The following PRKCE variants were observed in gnomAD, a reference collection of about 807,000 sequenced individuals.
The protein encoded by PRKCE is protein kinase C epsilon.
In PRKCE, 16 loss-of-function variants were observed where a neutral mutation model predicts 85.4. The ratio of observed to expected loss-of-function variants is 0.19; its 90% CI spans 0.13 to 0.28. The LOEUF (loss-of-function observed/expected upper bound fraction) is 0.28. PRKCE is among the 10% of genes least tolerant of loss of function. The pLI is 1.00. For synonymous variants in PRKCE, 388 were observed against 371.5 expected, an observed-to-expected ratio of 1.04 and a Z score of -0.51; for missense variants, 573 against 975.2, an observed-to-expected ratio of 0.59 and a Z score of 5.49.
intron 1 of PRKCE, among the ~76,000 whole-genome samples, chr2:45,680,312 T>C (rs1476330761): frequency 6.6e-6 from 1 of 152,252 alleles, no homozygotes. Context: ...AGTTTGTTAG[T>C]GCTGATTGGA....
At position 45,651,914 on chromosome 2, in the gene PRKCE, A is replaced by C; in HGVS notation, c.-187A>C. On this transcript the variant is annotated 5_prime_UTR_variant, in exon 1 of 15. Transcript: ENST00000306156. ...CCTGTTTTCCGTTAGGAACCCGGCG[A>C]GGAAATACATGCACTGGCTGAGAAT... 3 of 483,466 alleles carry C rather than the reference A, an allele frequency of 6.2e-6. No individual in the cohort carries two copies. The highest frequency in any genetic ancestry group is 3.9e-5 in the South Asian group (1 of 25,568). 29.9% of individuals were successfully genotyped at this position (483,466 alleles called of 1,614,324 possible). A position where few individuals can be genotyped will look rare whatever the true frequency, so the allele number is the denominator to read the frequency against.
chr2:46,077,789 A>T (rs1668690059), intron 10 of PRKCE, among the ~76,000 whole-genome samples: 1 of 152,220 alleles, frequency 6.6e-6, no homozygotes, highest in African/African-American at 2.4e-5. Flanking sequence ...AAGAAAAAAA[A>T]ATCCTTCTTT....
At chr2:45,818,432 A>C (rs1046050526) in intron 1 of PRKCE, among the ~76,000 whole-genome samples, 1 of 152,202 alleles carries the variant, frequency 6.6e-6, no homozygotes, top group African/African-American at 2.4e-5. Context: ...TAGCAAAGGA[A>C]GAATAAACTA....
intron 2 of PRKCE, among the ~76,000 whole-genome samples, chr2:45,880,227 G>A (rs987443120): frequency 4.6e-5 from 7 of 152,166 alleles, no homozygotes; most frequent in East Asian, 1.9e-4. Context: ...AGAGTGTTCC[G>A]TTATGTGTAT....
intron 1 of PRKCE, among the ~76,000 whole-genome samples, chr2:45,655,032 A>G (rs1675312903): frequency 1.3e-5 from 2 of 152,216 alleles, no homozygotes; most frequent in South Asian, 4.1e-4. Flanking sequence ...GGGGATGTGG[A>G]TAGCATAAAG....
chr2:45,673,735 T>C (rs577691803), intron 1 of PRKCE, among the ~76,000 whole-genome samples: 2 of 152,258 alleles, frequency 1.3e-5, no homozygotes, highest in Non-Finnish European at 2.9e-5. Context: ...GTTTGTAGAG[T>C]ATATGAAAAT....
chr2:46,134,300 CAT>C (rs1476193429), intron 11 of PRKCE, among the ~76,000 whole-genome samples: 2 of 152,148 alleles, frequency 1.3e-5, no homozygotes, highest in Admixed American at 6.5e-5. Context: ...GATAGACACT[CAT>C]AGTGGAACAG....
chr2:45,747,790 A>G (rs534038414), intron 1 of PRKCE, among the ~76,000 whole-genome samples: 2 of 152,200 alleles, frequency 1.3e-5, no homozygotes, highest in African/African-American at 2.4e-5. Context: ...ACTGTTTTTC[A>G]TAGCAGCTGC....
chr2:46,133,547 T>C (rs1408468821), intron 11 of PRKCE, among the ~76,000 whole-genome samples: 2 of 152,220 alleles, frequency 1.3e-5, no homozygotes, highest in East Asian at 1.9e-4. Context: ...TCAATGAATA[T>C]ATCAGTGATT....
intron 1 of PRKCE, among the ~76,000 whole-genome samples, chr2:45,658,867 T>G (rs1675503918): frequency 6.6e-6 from 1 of 152,216 alleles, no homozygotes; most frequent in African/African-American, 2.4e-5. Context: ...CAAATTGCCC[T>G]TTGGAAGATA....
Position 45,813,855 on chromosome 2 carries a change from G to A in PRKCE, c.349-29145G>A, listed in dbSNP as rs575879169. Among the ~76,000 whole-genome samples the A allele has an allele frequency of 7.2e-5, 11 of 152,330 alleles. No homozygotes were observed. In the South Asian group the frequency reaches 2.3e-3, roughly 32 times the overall value. On this transcript the variant is annotated intron_variant, in intron 1 of 14. Transcript: ENST00000306156. ...CACAGCCCACAGGGCATGTGTTCCA[G>A]ATTGCATCTGTTCTCTTCTGTTACG...
intron 1 of PRKCE, among the ~76,000 whole-genome samples, chr2:45,798,709 A>G (rs1361796473): frequency 6.6e-6 from 1 of 150,982 alleles, no homozygotes; most frequent in Non-Finnish European, 1.5e-5. Context: ...GTCTTTATTA[A>G]ATCGAGAATT....
At position 45,697,837 on chromosome 2, in the gene PRKCE, T is replaced by C. The variant is rs1678281350; in HGVS notation, c.348+45389T>C. The C allele has an allele frequency of 1.3e-5, 2 of 152,672 alleles. No individual in the cohort carries two copies. Among genetic ancestry groups the C allele is most frequent in the South Asian group, 4.1e-4 (2 of 4,830 alleles). 9.5% of individuals were successfully genotyped at this position (152,672 alleles called of 1,614,324 possible). The stretch of plus-strand genomic sequence containing the variant: ...AAAATGGATTAGCACCTAGGGATTC[T>C]TGCAGGCAGGTGGAATTTATCCCCA... On this transcript the variant is annotated intron_variant, in intron 1 of 14. Transcript: ENST00000306156. This position sits in a 1 kb window ranked among gnomAD's most constrained non-coding sequence, Gnocchi z 4.2.
chr2:45,664,958 C>T (rs907151657), intron 1 of PRKCE, among the ~76,000 whole-genome samples: 2 of 152,190 alleles, frequency 1.3e-5, no homozygotes, highest in African/African-American at 4.8e-5. Flanking sequence ...TTCAGTTGTC[C>T]TGGGCCAAAT....
chr2:45,852,503 TAAAC>T (rs1558752646), intron 2 of PRKCE, among the ~76,000 whole-genome samples: 4 of 152,164 alleles, frequency 2.6e-5, no homozygotes, highest in South Asian at 2.1e-4. Context: ...TGCTAAGAGC[TAAAC>T]AAACAAAGAT....
intron 1 of PRKCE, among the ~76,000 whole-genome samples, chr2:45,709,041 T>C (rs1175034149): frequency 6.6e-6 from 1 of 152,230 alleles, no homozygotes; most frequent in Non-Finnish European, 1.5e-5. Flanking sequence ...GACAATGGCT[T>C]GAGTCAGGAT....
intron 14 of PRKCE, among the ~76,000 whole-genome samples, chr2:46,171,536 G>A (rs1195901490): frequency 2.0e-5 from 3 of 152,198 alleles, no homozygotes; most frequent in African/African-American, 7.2e-5. Context: ...TACATGCCAG[G>A]GGCACAGCCT....
chr2:45,879,741 G>C (rs890230638), intron 2 of PRKCE, among the ~76,000 whole-genome samples: 1 of 152,376 alleles, frequency 6.6e-6, no homozygotes, highest in East Asian at 1.9e-4. Context: ...ACGAGGCCGT[G>C]AAAGGGTCAA....
chr2:45,670,045 C>A (rs890190745), intron 1 of PRKCE, among the ~76,000 whole-genome samples: 2 of 152,026 alleles, frequency 1.3e-5, no homozygotes, highest in African/African-American at 4.8e-5. Context: ...ATAATCAAGA[C>A]GATCAAGTCT....
Sources: allele counts gnomAD v4.1 joint callset (sites outside exome capture counted in the v4.1 genomes callset), GRCh38; gene constraint gnomAD v4.1.1; non-coding constraint Gnocchi (gnomAD v3.1); transcripts MANE v1.5; gene names NCBI Gene and HGNC (gene_info 2026-07-23, HGNC 2026-07-21).